Variants in DSE observed in about 807,000 individuals in gnomAD.
The protein encoded by DSE is dermatan-sulfate epimerase.
In DSE, 36 loss-of-function variants were observed where a neutral mutation model predicts 84.4. That is an observed-to-expected ratio of 0.43 (90% CI 0.33 to 0.56). The LOEUF (loss-of-function observed/expected upper bound fraction) is 0.56. DSE is among the 20% of genes least tolerant of loss of function. The probability of loss-of-function intolerance (pLI) is 0.06; values close to 1 mark genes in which losing one functional copy is unlikely to be tolerated. For missense variants in DSE, 862 were observed against 1,169.6 expected, an observed-to-expected ratio of 0.74 and a Z score of 3.84; for synonymous variants, 410 against 430.1, an observed-to-expected ratio of 0.95 and a Z score of 0.58.
chr6:116,328,715 C>G (rs1457113806), intron 2 of DSE, among the ~76,000 whole-genome samples: 1 of 152,084 alleles, frequency 6.6e-6, no homozygotes, highest in African/African-American at 2.4e-5. Flanking sequence ...ATCAACAAAC[C>G]ACTTTATTCT....
intron 2 of DSE, among the ~76,000 whole-genome samples, chr6:116,315,537 T>C (rs139847864): frequency 6.6e-6 from 1 of 152,248 alleles, no homozygotes; most frequent in East Asian, 1.9e-4. Context: ...TTTATTAATG[T>C]TCACCAAGAT....
chr6:116,407,690 A>G (rs1009184740), intron 2 of DSE, among the ~76,000 whole-genome samples: 5 of 152,122 alleles, frequency 3.3e-5, no homozygotes, highest in African/African-American at 1.2e-4. Context: ...TTGCCACTCT[A>G]CGAATGCATT....
chr6:116,429,762 C>G (rs1415889957), intron 3 of DSE, among the ~76,000 whole-genome samples: 1 of 24,132 alleles, frequency 4.1e-5, no homozygotes, highest in South Asian at 6.2e-4. Context: ...TCCTGGCTAA[C>G]ACGGTGAAAC....
intron 2 of DSE, among the ~76,000 whole-genome samples, chr6:116,274,789 C>A (rs56359431): frequency 0.043 from 6,515 of 152,218 alleles, 220 homozygotes; most frequent in African/African-American, 0.091. Context: ...TACTCACCTT[C>A]TTTTTACCCA....
intron 2 of DSE, among the ~76,000 whole-genome samples, chr6:116,411,157 G>T (rs1782325505): frequency 6.6e-6 from 1 of 152,066 alleles, no homozygotes; most frequent in Admixed American, 6.5e-5. Context: ...ATGGGTGTGT[G>T]TATGTGTGTG....
intron 2 of DSE, among the ~76,000 whole-genome samples, chr6:116,285,242 G>C (rs544622901): frequency 1.3e-5 from 2 of 152,266 alleles, no homozygotes; most frequent in African/African-American, 2.4e-5. Context: ...TCTCATTGTG[G>C]TTTTGATTTG....
At chr6:116,404,391 A>G (rs1172791309) in intron 2 of DSE, among the ~76,000 whole-genome samples, 5 of 152,218 alleles carry the variant, frequency 3.3e-5, no homozygotes, top group Non-Finnish European at 7.3e-5. Flanking sequence ...TTGATAACAT[A>G]GAATTATACA....
chr6:116,319,026 G>A (rs1464104493), intron 2 of DSE, among the ~76,000 whole-genome samples: 1 of 152,148 alleles, frequency 6.6e-6, no homozygotes, highest in Non-Finnish European at 1.5e-5. Flanking sequence ...TAGAAATTGA[G>A]GGGAATAGGC....
chr6:116,346,112 T>G (rs1471927545), intron 2 of DSE, among the ~76,000 whole-genome samples: 1 of 152,174 alleles, frequency 6.6e-6, no homozygotes, highest in East Asian at 1.9e-4. Context: ...GGCTCTGAAA[T>G]TGAGGCAATA....
intron 2 of DSE, among the ~76,000 whole-genome samples, chr6:116,411,288 C>T (rs1049672243): frequency 6.6e-6 from 1 of 152,234 alleles, no homozygotes; most frequent in East Asian, 1.9e-4. Context: ...CAAAGGAGAT[C>T]GTATTTAGTT....
At chr6:116,350,805 T>C (rs1463172511) in intron 2 of DSE, among the ~76,000 whole-genome samples, 3 of 152,012 alleles carry the variant, frequency 2.0e-5, no homozygotes, top group African/African-American at 7.2e-5. Context: ...ATACTCTGAC[T>C]CCAAGTAATA....
chr6:116,348,706 C>G (rs1778142401), intron 2 of DSE, among the ~76,000 whole-genome samples: 1 of 152,146 alleles, frequency 6.6e-6, no homozygotes, highest in Non-Finnish European at 1.5e-5. Flanking sequence ...TTCACGATAG[C>G]AAAGACTTGG....
intron 2 of DSE, among the ~76,000 whole-genome samples, chr6:116,283,598 C>T (rs1267935686): frequency 1.3e-5 from 2 of 152,014 alleles, no homozygotes; most frequent in Non-Finnish European, 2.9e-5. Flanking sequence ...GGCTGGAGTG[C>T]AGTGGCATGA....
chr6:116,409,710 C>A (rs1036512790), intron 2 of DSE, among the ~76,000 whole-genome samples: 4 of 152,172 alleles, frequency 2.6e-5, no homozygotes, highest in Non-Finnish European at 4.4e-5. Context: ...AATACTAATA[C>A]TATTAGCATA....
At chr6:116,348,198 C>T (rs1005805659) in intron 2 of DSE, among the ~76,000 whole-genome samples, 1 of 152,118 alleles carries the variant, frequency 6.6e-6, no homozygotes, top group Non-Finnish European at 1.5e-5. Context: ...GAGGCCAAAG[C>T]GGGTGGATTG....
intron 2 of DSE, among the ~76,000 whole-genome samples, chr6:116,425,150 T>G (rs910767748): frequency 1.1e-4 from 16 of 152,250 alleles, no homozygotes; most frequent in Admixed American, 1.0e-3. Context: ...AATGTTGGTA[T>G]TTCATGCCTT....
chr6:116,295,439 A>T (rs1326899940), intron 2 of DSE, among the ~76,000 whole-genome samples: 7 of 152,298 alleles, frequency 4.6e-5, no homozygotes, highest in African/African-American at 1.4e-4. Flanking sequence ...TATTTAAAAT[A>T]TTTCCTTCCA....
chr6:116,366,912 A>C (rs1779196181), upstream of DSE: 1 of 152,238 alleles, frequency 6.6e-6, no homozygotes, highest in South Asian at 2.1e-4. Context: ...TGAGGCCAGG[A>C]AGTATGTACC....
At chr6:116,256,417 G>A (rs751109065) in intron 1 of DSE, 7 of 152,152 alleles carry the variant, frequency 4.6e-5, no homozygotes, top group Non-Finnish European at 8.8e-5. Flanking sequence ...TAACATAATG[G>A]TAAGCATTTT....
Sources: allele counts gnomAD v4.1 joint callset (sites outside exome capture counted in the v4.1 genomes callset), GRCh38; gene constraint gnomAD v4.1.1; transcripts MANE v1.5; gene names NCBI Gene and HGNC (gene_info 2026-07-23, HGNC 2026-07-21).